Variants in ARHGAP8 observed in about 807,000 individuals in gnomAD.
ARHGAP8 encodes rho GTPase-activating protein 8.
Under a neutral mutation model 46.1 loss-of-function variants are expected in ARHGAP8, and 62 were observed. That is an observed-to-expected ratio of 1.34 (90% confidence interval 1.10 to 1.66). ARHGAP8 has a LOEUF of 1.66. ARHGAP8 is among the 40% of genes most tolerant of loss of function. The pLI is 0.00. For missense variants in ARHGAP8, 923 were observed against 568.4 expected (o/e 1.62, Z -6.34); for synonymous variants, 375 against 243.1 (o/e 1.54, Z -5.05).
chr22:44,801,146 C>T (rs1321380159), intron 2 of ARHGAP8, among the ~76,000 whole-genome samples: 2 of 42,240 alleles, frequency 4.7e-5, no homozygotes, highest in African/African-American at 1.7e-4. Context: ...TGTGTGGGGG[C>T]ACCTCTCCCC....
At chr22:44,794,885 A>G (rs182535751) in intron 2 of ARHGAP8, among the ~76,000 whole-genome samples, 6 of 151,892 alleles carry the variant, frequency 4.0e-5, no homozygotes, top group Admixed American at 2.0e-4. Context: ...TTAGAAATCT[A>G]TTGATATGAG....
At chr22:44,768,814 A>T (rs1217063596) in intron 1 of ARHGAP8, among the ~76,000 whole-genome samples, 1 of 149,428 alleles carries the variant, frequency 6.7e-6, no homozygotes, top group Non-Finnish European at 1.5e-5. Flanking sequence ...TGGCTGCCAG[A>T]GTCCCTGTCG....
intron 4 of ARHGAP8, among the ~76,000 whole-genome samples, chr22:44,810,260 G>GA (rs1929242402): frequency 3.2e-5 from 1 of 30,856 alleles, no homozygotes; most frequent in Non-Finnish European, 6.4e-5. Flanking sequence ...TTTTTTTTTT[G>GA]AGACAGAGTC....
chr22:44,829,609 C>T (rs985215356), intron 7 of ARHGAP8, among the ~76,000 whole-genome samples: 1 of 152,198 alleles, frequency 6.6e-6, no homozygotes, highest in African/African-American at 2.4e-5. Flanking sequence ...GAGAGAGAAT[C>T]CCTGCAGTTG....
intron 1 of ARHGAP8, among the ~76,000 whole-genome samples, chr22:44,761,006 G>T (rs1313311990): frequency 6.6e-6 from 1 of 152,194 alleles, no homozygotes. Context: ...AAGCCCACTG[G>T]CCAGGAGAAA....
chr22:44,797,931 C>T (rs1289794334), intron 2 of ARHGAP8, among the ~76,000 whole-genome samples: 2 of 152,068 alleles, frequency 1.3e-5, no homozygotes, highest in Non-Finnish European at 2.9e-5. Flanking sequence ...CCTCAGCCTC[C>T]CAAAGTGCTG....
chr22:44,862,428 A>C lies in ARHGAP8; in HGVS notation c.1135A>C (p.Lys379Gln), dbSNP rs756317440. ...TGAACTGCTGATCGAGTACTATGAA[A>C]AGATCTTCAGCACCCCGGAGGCACC... ...FTELLIEYYEKIFSTPEAPGE... is the reference protein window; with the variant it reads ...FTELLIEYYEQIFSTPEAPGE... Residue 379 changes from lysine to glutamine, a missense_variant, in exon 12 of 12, where the codon AAG (lysine) becomes CAG (glutamine). Coordinates refer to ENST00000356099, the MANE Select transcript of ARHGAP8 (RefSeq NM_181335.3). 4 of 1,614,044 alleles carry C rather than the reference A, an allele frequency of 2.5e-6. No individual in the cohort carries two copies. The highest frequency in any genetic ancestry group is 3.4e-6 in the Non-Finnish European group (4 of 1,179,988).
intron 1 of ARHGAP8, among the ~76,000 whole-genome samples, chr22:44,761,726 G>A (rs533450986): frequency 8.5e-5 from 13 of 152,226 alleles, no homozygotes; most frequent in East Asian, 5.8e-4. Context: ...CAATTTTTAC[G>A]CTGCTGATAA....
chr22:44,817,588 G>A (rs1451995883), intron 5 of ARHGAP8, among the ~76,000 whole-genome samples: 1 of 152,158 alleles, frequency 6.6e-6, no homozygotes, highest in Non-Finnish European at 1.5e-5. Context: ...CGGATCACCT[G>A]AGGTAAGGAG....
intron 7 of ARHGAP8, among the ~76,000 whole-genome samples, chr22:44,836,556 A>G (rs1602244796): frequency 9.4e-6 from 1 of 106,876 alleles, no homozygotes; most frequent in African/African-American, 3.0e-5. Flanking sequence ...GTAGGTCCTC[A>G]GTACACAGTA....
chr22:44,859,624 C>A (rs1046809872), intron 10 of ARHGAP8, 107 bp from the exon 11 acceptor site: 17 of 1,224,074 alleles, frequency 1.4e-5, no homozygotes, highest in Non-Finnish European at 1.7e-5. Context: ...GTGGGATAGT[C>A]CATCCTCAGA....
intron 1 of ARHGAP8, among the ~76,000 whole-genome samples, chr22:44,763,007 G>C (rs1222238113): frequency 1.3e-5 from 2 of 152,208 alleles, no homozygotes; most frequent in African/African-American, 4.8e-5. Context: ...AGAGAGACTG[G>C]AGGGTGAGCG....
chr22:44,759,124 G>A (rs1924922566), intron 1 of ARHGAP8, among the ~76,000 whole-genome samples: 1 of 152,170 alleles, frequency 6.6e-6, no homozygotes, highest in Admixed American at 6.5e-5. Flanking sequence ...GGCCACGCTG[G>A]GCCTTGGATC....
chr22:44,810,958 A>G (rs558389929), intron 4 of ARHGAP8, among the ~76,000 whole-genome samples: 1 of 152,320 alleles, frequency 6.6e-6, no homozygotes, highest in Admixed American at 6.5e-5. Context: ...GGATGTGCAC[A>G]GTAGCCCTGT....
At chr22:44,854,861 G>T (rs911774655) in intron 10 of ARHGAP8, among the ~76,000 whole-genome samples, 1 of 152,194 alleles carries the variant, frequency 6.6e-6, no homozygotes, top group Non-Finnish European at 1.5e-5. Context: ...GGCCAGGCTT[G>T]TCTTGAGCTC....
At chr22:44,807,337 T>G (rs1200082650) in intron 3 of ARHGAP8, among the ~76,000 whole-genome samples, 1 of 152,158 alleles carries the variant, frequency 6.6e-6, no homozygotes. Context: ...AAGACAGTGC[T>G]TGCTAGGTGC....
At chr22:44,825,694 G>A in intron 7 of ARHGAP8, 101 bp downstream of exon 7, 1 of 1,358,086 alleles carries the variant, frequency 7.4e-7, no homozygotes, top group South Asian at 1.4e-5. Flanking sequence ...TTTGTCTCCA[G>A]CAGCCAAGCT....
At chr22:44,823,753 G>A (rs991798654) in intron 6 of ARHGAP8, among the ~76,000 whole-genome samples, 1 of 152,132 alleles carries the variant, frequency 6.6e-6, no homozygotes, top group Admixed American at 6.5e-5. Context: ...GTGTGGGAGA[G>A]TGATTTGGGG....
Position 44,845,257 on chromosome 22 carries a change from C to G in ARHGAP8, c.597-12C>G. The G allele has an allele frequency of 6.2e-7, 1 of 1,614,068 alleles. No individual in the cohort carries two copies. Among genetic ancestry groups the G allele is most frequent in the East Asian group, 2.2e-5 (1 of 44,890 alleles). On this transcript the variant is annotated splice_polypyrimidine_tract_variant and intron_variant, in intron 7 of 11. Transcript: ENST00000356099. ...CAGGTAAAAACTGCGACTTTCTTTT[C>G]TGTTTTCTCAGCCTCAAAGACAAAA... is the stretch of plus-strand genomic sequence containing the variant.
Sources: gnomAD v4.1 joint callset for allele counts (sites outside exome capture counted in the v4.1 genomes callset) on GRCh38, gnomAD v4.1.1 for gene constraint, MANE v1.5 for transcripts, NCBI Gene and HGNC (gene_info 2026-07-23, HGNC 2026-07-21) for gene names.